The following NBAS variants were observed in gnomAD, a reference collection of about 807,000 sequenced individuals.
NBAS encodes the protein NBAS subunit of NRZ tethering complex.
NBAS carries 219 observed loss-of-function variants against 302.5 expected under a neutral mutation model. The ratio of observed to expected loss-of-function variants is 0.72; its 90% CI spans 0.65 to 0.81. The LOEUF is 0.81. NBAS is among the 30% of genes least tolerant of loss of function. NBAS has a pLI of 0.00. For missense variants in NBAS, 2,932 were observed against 2,841.6 expected, an observed-to-expected ratio of 1.03 and a Z score of -0.72; for synonymous variants, 1,118 against 1,021.6, an observed-to-expected ratio of 1.09 and a Z score of -1.80.
At chr2:14,788,289 G>A in the NBAS span, among the ~76,000 whole-genome samples, 1 of 152,142 alleles carries the variant, frequency 6.6e-6, no homozygotes, top group East Asian at 1.9e-4. Context: ...AGCCGGAGTA[G>A]TTTGATTGTC....
chr2:14,916,824 C>G, the NBAS span, among the ~76,000 whole-genome samples: 2 of 152,330 alleles, frequency 1.3e-5, no homozygotes, highest in South Asian at 2.1e-4. Flanking sequence ...GTTGTCCCAG[C>G]AAAGCAGACA....
chr2:14,808,062 T>C, the NBAS span, among the ~76,000 whole-genome samples: 1 of 152,252 alleles, frequency 6.6e-6, no homozygotes, highest in Non-Finnish European at 1.5e-5. Flanking sequence ...TCAAATATTA[T>C]AGCTATTATA....
the NBAS span, among the ~76,000 whole-genome samples, chr2:14,783,109 TAA>T: frequency 1.3e-5 from 2 of 151,750 alleles, no homozygotes; most frequent in African/African-American, 4.8e-5. Context: ...GAACCGAAAA[TAA>T]AAGTCAAAAA....
the NBAS span, among the ~76,000 whole-genome samples, chr2:15,127,629 T>C: frequency 1.3e-5 from 2 of 152,236 alleles, no homozygotes; most frequent in East Asian, 1.9e-4. Context: ...TAATTCGACA[T>C]CTCTACTGTC....
chr2:15,094,671 C>A, the NBAS span, among the ~76,000 whole-genome samples: 116 of 152,298 alleles, frequency 7.6e-4, 1 homozygote, highest in Non-Finnish European at 5.7e-4. Flanking sequence ...AATATGCGGA[C>A]TGATGGGCTA....
chr2:15,485,043 T>C (rs147074906), intron 12 of NBAS, among the ~76,000 whole-genome samples: 1 of 152,228 alleles, frequency 6.6e-6, no homozygotes, highest in African/African-American at 2.4e-5. Context: ...TCTTCTTGCT[T>C]GACAAAGTTA....
chr2:15,113,426 CA>C, the NBAS span, among the ~76,000 whole-genome samples: 5 of 146,566 alleles, frequency 3.4e-5, no homozygotes, highest in African/African-American at 1.2e-4. Flanking sequence ...TCACTAAAAA[CA>C]AAAACAAACC....
At chr2:14,961,754 T>C in the NBAS span, among the ~76,000 whole-genome samples, 31,611 of 152,162 alleles carry the variant, frequency 0.21, 3,415 homozygotes, top group African/African-American at 0.24. Flanking sequence ...AAAGGTTAAG[T>C]AGGGAAATGT....
chr2:15,218,103 A>G (rs954337904), intron 48 of NBAS, among the ~76,000 whole-genome samples: 4 of 152,192 alleles, frequency 2.6e-5, no homozygotes, highest in Non-Finnish European at 4.4e-5. Flanking sequence ...CAGAGCACGA[A>G]GGAAATGAAT....
the NBAS span, among the ~76,000 whole-genome samples, chr2:14,967,360 T>C: frequency 6.6e-6 from 1 of 152,262 alleles, no homozygotes; most frequent in South Asian, 2.1e-4. Context: ...AGAGCAAAGT[T>C]GTAAGACTGA....
chr2:15,362,844 T>C (rs560173909), intron 32 of NBAS, among the ~76,000 whole-genome samples: 3 of 152,256 alleles, frequency 2.0e-5, no homozygotes, highest in Admixed American at 6.5e-5. Context: ...TGACTTTACG[T>C]AAAGAAGTTT....
chr2:15,049,812 G>A, the NBAS span, among the ~76,000 whole-genome samples: 2 of 152,220 alleles, frequency 1.3e-5, no homozygotes, highest in African/African-American at 2.4e-5. Context: ...GAGCTTCCAG[G>A]GGGCCTTGTA....
At chr2:14,847,890 A>C in the NBAS span, among the ~76,000 whole-genome samples, 6 of 152,342 alleles carry the variant, frequency 3.9e-5, no homozygotes, top group Admixed American at 6.5e-5. Context: ...GTCACAAAAC[A>C]AGCCTTAAAA....
the NBAS span, among the ~76,000 whole-genome samples, chr2:15,016,512 TGG>T: frequency 2.6e-5 from 4 of 152,160 alleles, no homozygotes; most frequent in African/African-American, 9.7e-5. Flanking sequence ...GCTCATGGAT[TGG>T]AAGAATTAAT....
rs576347619 is a variant in NBAS at position 15,360,342 on chromosome 2, A to C, written c.3818-3926T>G. Among the ~76,000 whole-genome samples the C allele has an allele frequency of 7.1e-3, 874 of 122,402 alleles. 25 individuals carry two copies. In the East Asian group the frequency reaches 0.073, roughly 10 times the overall value. The allele number at this position is 122,402 out of a possible 152,430, so 80.3% of individuals were successfully genotyped here. ...GGTTACCATAACTTAAAAAAAAAAA[A>C]AAAACAAAACAAAACAGAATCTCAC... On this transcript the variant is annotated intron_variant, in intron 32 of 51. Coordinates refer to ENST00000281513, the MANE Select transcript of NBAS (RefSeq NM_015909.4).
At chr2:15,092,574 G>T in the NBAS span, among the ~76,000 whole-genome samples, 2 of 151,960 alleles carry the variant, frequency 1.3e-5, no homozygotes, top group Non-Finnish European at 2.9e-5. Flanking sequence ...ACAAGTCTTT[G>T]TTTTCCTTCT....
chr2:15,211,017 G>C (rs1666383449), intron 48 of NBAS, among the ~76,000 whole-genome samples: 1 of 151,792 alleles, frequency 6.6e-6, no homozygotes, highest in Non-Finnish European at 1.5e-5. Context: ...ATGATTAATA[G>C]GTAGAAAAAA....
the NBAS span, among the ~76,000 whole-genome samples, chr2:14,988,673 T>C: frequency 1.3e-5 from 2 of 152,108 alleles, no homozygotes; most frequent in Admixed American, 1.3e-4. Context: ...TAAATACAAC[T>C]GGTAAACAGA....
the NBAS span, among the ~76,000 whole-genome samples, chr2:14,916,367 G>A: frequency 6.6e-6 from 1 of 152,182 alleles, no homozygotes; most frequent in South Asian, 2.1e-4. Flanking sequence ...TACAATACAA[G>A]GCAAGAACAT....
Sources: gnomAD v4.1 joint callset for allele counts (sites outside exome capture counted in the v4.1 genomes callset) on GRCh38, gnomAD v4.1.1 for gene constraint, MANE v1.5 for transcripts, NCBI Gene and HGNC (gene_info 2026-07-23, HGNC 2026-07-21) for gene names.